Variants in ZNF280D observed in about 807,000 individuals in gnomAD.
ZNF280D encodes the protein suppressor of hairy wing homolog 4.
A neutral mutation model predicts 94.7 loss-of-function variants in ZNF280D; 39 were observed. The ratio of observed to expected loss-of-function variants is 0.41; its 90% CI spans 0.32 to 0.54. The LOEUF (loss-of-function observed/expected upper bound fraction) is 0.54, where lower values mean the gene tolerates loss of function less well. Among genes scored for constraint, ZNF280D ranks in the 20% least tolerant of loss-of-function variants. The pLI is 0.22. For synonymous variants in ZNF280D, 398 were observed against 377.6 expected, an observed-to-expected ratio of 1.05 and a Z score of -0.63; for missense variants, 1,090 against 1,149.3, an observed-to-expected ratio of 0.95 and a Z score of 0.75.
At chr15:56,703,554 G>A (rs2057213816) in intron 4 of ZNF280D, among the ~76,000 whole-genome samples, 1 of 152,158 alleles carries the variant, frequency 6.6e-6, no homozygotes, top group African/African-American at 2.4e-5. Context: ...AGAATAAACA[G>A]ATAAATATGT....
At chr15:56,641,026 T>C (rs2052602338) in intron 20 of ZNF280D, among the ~76,000 whole-genome samples, 1 of 152,126 alleles carries the variant, frequency 6.6e-6, no homozygotes, top group Non-Finnish European at 1.5e-5. Context: ...CTGAATTTTT[T>C]ATATCTCTAT....
intron 10 of ZNF280D, 44 bp from the exon 11 acceptor site, chr15:56,678,865 C>A (rs1236085597): frequency 1.4e-6 from 2 of 1,436,670 alleles, no homozygotes; most frequent in Admixed American, 2.5e-5. Flanking sequence ...GATTTAAAAA[C>A]AAAAAGGAAA....
At position 56,630,267 on chromosome 15, in the gene ZNF280D, T is replaced by A. The variant is rs1189971602; in HGVS notation, c.*1231A>T. Reference sequence around the variant, plus strand: ...AATCGCCATTTAAAACATTGAACATTCAGTGAAACAAAATTTAAGAATCCA... The same window carrying A: ...AATCGCCATTTAAAACATTGAACATACAGTGAAACAAAATTTAAGAATCCA... On this transcript the variant is annotated 3_prime_UTR_variant, in exon 22 of 22. Coordinates refer to ENST00000267807, the MANE Select transcript of ZNF280D (RefSeq NM_017661.4). 1 of 152,148 alleles carries A rather than the reference T, an allele frequency of 6.6e-6. No individual in the cohort carries two copies. The highest frequency in any genetic ancestry group is 1.9e-4 in the East Asian group (1 of 5,204). The allele number at this position is 152,148 out of a possible 1,614,324, so 9.4% of individuals were successfully genotyped here.
At chr15:56,691,764 T>C (rs529104557) in intron 7 of ZNF280D, among the ~76,000 whole-genome samples, 4 of 152,270 alleles carry the variant, frequency 2.6e-5, no homozygotes, top group African/African-American at 9.6e-5. Flanking sequence ...GTCAAGTCTT[T>C]TAAAGCTTAT....
rs912350053 is a variant in ZNF280D, at chr15:56,689,561, T to A, written c.500-91A>T. ...AAATATTTTGGAGCTAAATTAAAGG[T>A]AATATAATTGAATTATCATATCATG... is the stretch of plus-strand genomic sequence containing the variant. On this transcript the variant is annotated intron_variant, in intron 7 of 21. Coordinates refer to ENST00000267807, the MANE Select transcript of ZNF280D (RefSeq NM_017661.4). 3 of 812,898 alleles carry A rather than the reference T, an allele frequency of 3.7e-6. No homozygotes were observed. The South Asian group carries it at 9.1e-5, about 25-fold the overall frequency. 50.4% of individuals were successfully genotyped at this position (812,898 alleles called of 1,614,324 possible). A position where few individuals can be genotyped will look rare whatever the true frequency, so the allele number is the denominator to read the frequency against.
intron 10 of ZNF280D, among the ~76,000 whole-genome samples, chr15:56,679,327 C>G (rs779975854): frequency 6.6e-6 from 1 of 152,170 alleles, no homozygotes; most frequent in Non-Finnish European, 1.5e-5. Flanking sequence ...ATTCCAGCTA[C>G]TTAAATGACA....
Position 56,631,823 on chromosome 15 carries a change from C to T in ZNF280D, c.2615G>A (p.Ser872Asn). The T allele has an allele frequency of 1.2e-6, 2 of 1,614,010 alleles. No individual in the cohort carries two copies. The highest frequency in any genetic ancestry group is 8.5e-7 in the Non-Finnish European group (1 of 1,180,020). The change falls in exon 22 of 22, where the codon AGT becomes AAT. Residue 872 changes from serine to asparagine, a missense_variant. Physicochemically the swap from Ser to Asn is conservative, Grantham distance 46 (BLOSUM62 1). This residue lies in a region of ZNF280D where 577 missense variants were observed against 568.8 expected (regional missense o/e 1.01). Transcript: ENST00000267807. Reference protein sequence around the residue: ...LSDQIKDHNSSEARFSSKNIK... With the variant: ...LSDQIKDHNSNEARFSSKNIK... ...ATTCTTTGAAGAAAATCTGGCTTCA[C>T]TGGAGTTGTGATCTTTAATCTGATC...
intron 19 of ZNF280D, among the ~76,000 whole-genome samples, chr15:56,651,491 C>A (rs1415952911): frequency 2.0e-5 from 3 of 151,966 alleles, no homozygotes; most frequent in Non-Finnish European, 4.4e-5. Flanking sequence ...AATGAATTTA[C>A]TGGGAAAGAA....
At chr15:56,647,949 G>C (rs879334466) in intron 19 of ZNF280D, among the ~76,000 whole-genome samples, 1 of 152,208 alleles carries the variant, frequency 6.6e-6, no homozygotes, top group Non-Finnish European at 1.5e-5. Flanking sequence ...AAACATCACA[G>C]TGTATTAGAC....
intron 6 of ZNF280D, among the ~76,000 whole-genome samples, chr15:56,696,636 A>C (rs1263243067): frequency 6.6e-6 from 1 of 152,218 alleles, no homozygotes. Flanking sequence ...ACACACACAA[A>C]ATATGACATA....
chr15:56,704,264 T>A lies in ZNF280D; in HGVS notation c.32A>T (p.Asn11Ile). 1 of 1,602,320 alleles carries A rather than the reference T, an allele frequency of 6.2e-7. No homozygotes were observed. The highest frequency in any genetic ancestry group is 8.5e-7 in the Non-Finnish European group (1 of 1,176,936). MGDNPFQPKS[N>I]SKMAELFMEC... is the part of the protein sequence containing the mutation. ...CATAAACAGTTCTGCCATTTTTGAATTACCTAATTTTCAAAAGGAGAGAAG... is the reference window on the plus strand; with the variant it reads ...CATAAACAGTTCTGCCATTTTTGAAATACCTAATTTTCAAAAGGAGAGAAG... The change falls in exon 4 of 22, where the codon AAT becomes ATT. Residue 11 changes from asparagine to isoleucine, a missense_variant. Coordinates refer to ENST00000267807, the MANE Select transcript of ZNF280D (RefSeq NM_017661.4).
chr15:56,704,517 G>T (rs559764445), intron 3 of ZNF280D, among the ~76,000 whole-genome samples: 1 of 152,240 alleles, frequency 6.6e-6, no homozygotes, highest in East Asian at 1.9e-4. Context: ...AGAAAATTTG[G>T]AAGTCAAATT....
intron 1 of ZNF280D, among the ~76,000 whole-genome samples, chr15:56,709,000 T>A (rs1443084250): frequency 6.6e-6 from 1 of 151,954 alleles, no homozygotes; most frequent in African/African-American, 2.4e-5. Context: ...AAGCCAAAAT[T>A]GACAAATGGG....
At position 56,682,486 on chromosome 15, in the gene ZNF280D, G is replaced by GAA. The variant is rs760502258; in HGVS notation, c.781-11_781-10dup. 0.019 allele frequency: 9,628 copies of GAA among 501,494 alleles called. 5 individuals are homozygous for GAA. The highest frequency in any genetic ancestry group is 0.031 in the South Asian group (758 of 24,574). The allele number at this position is 501,494 out of a possible 1,614,324, so 31.1% of individuals were successfully genotyped here. ...ATGTCTGGACAACAATACTGAAAGA[G>GAA]AAAAAAAAAAAAAAAAAACAAGCCT... is the stretch of plus-strand genomic sequence containing the variant. On this transcript the variant is annotated splice_polypyrimidine_tract_variant and intron_variant, in intron 9 of 21. Transcript: ENST00000267807.
rs1396857736 is a variant in ZNF280D at position 56,659,474 on chromosome 15, A to G, written c.1995-988T>C. Among the ~76,000 whole-genome samples the G allele has an allele frequency of 5.3e-5, 8 of 152,216 alleles. No homozygotes were observed. In the South Asian group the frequency reaches 1.7e-3, roughly 32 times the overall value. On this transcript the variant is annotated intron_variant, in intron 16 of 21. Transcript: ENST00000267807. Reference sequence around the variant, plus strand: ...TTTAAGAGAGACAGACTACGTTCATATAATTTTTATTACAGTATATTGTTA... The same window carrying G: ...TTTAAGAGAGACAGACTACGTTCATGTAATTTTTATTACAGTATATTGTTA...
chr15:56,681,660 C>T (rs960996784), intron 10 of ZNF280D, among the ~76,000 whole-genome samples: 19 of 151,994 alleles, frequency 1.3e-4, no homozygotes, highest in African/African-American at 2.9e-4. Flanking sequence ...TACAACTGAA[C>T]GATTATGAAG....
At chr15:56,661,120 G>C (rs1346080806) in intron 16 of ZNF280D, among the ~76,000 whole-genome samples, 1 of 152,122 alleles carries the variant, frequency 6.6e-6, no homozygotes, top group Non-Finnish European at 1.5e-5. Flanking sequence ...ATGAAGGAAA[G>C]CTGCAAGACA....
intron 5 of ZNF280D, 22 bp from the exon 6 acceptor site, chr15:56,701,094 T>A (rs748961376): frequency 1.2e-6 from 2 of 1,612,990 alleles, no homozygotes; most frequent in South Asian, 2.2e-5. Flanking sequence ...AGTAACACAA[T>A]ATATGGAAAT....
chr15:56,733,420 CT>C, intron 1 of ZNF280D, 37 bp downstream of exon 1: 1 of 1,035,632 alleles, frequency 9.7e-7, no homozygotes, highest in Non-Finnish European at 1.2e-6. Context: ...CCTCTGCCTG[CT>C]GCAGCGCAGG....
Sources: allele counts gnomAD v4.1 joint callset (sites outside exome capture counted in the v4.1 genomes callset), GRCh38; gene constraint gnomAD v4.1.1; regional missense constraint gnomAD v4.1.1; transcripts MANE v1.5; gene names NCBI Gene and HGNC (gene_info 2026-07-23, HGNC 2026-07-21).